Variants in DMRT3 observed in about 807,000 individuals in gnomAD.
DMRT3 encodes the protein doublesex and mab-3 related transcription factor 3.
DMRT3 carries 29 observed loss-of-function variants against 34.9 expected under a neutral mutation model. The ratio of observed to expected loss-of-function variants is 0.83; its 90% CI spans 0.62 to 1.13. The LOEUF is 1.13. Ranked by LOEUF, DMRT3 falls within the 50% of genes most tolerant of loss-of-function variation. The pLI is 0.00. For synonymous variants in DMRT3, 350 were observed against 286.0 expected (o/e 1.22, Z -2.26); for missense variants, 772 against 629.1 (o/e 1.23, Z -2.43).
intron 1 of DMRT3, among the ~76,000 whole-genome samples, chr9:989,584 G>C (rs1248282864): frequency 6.6e-6 from 1 of 152,184 alleles, no homozygotes; most frequent in Non-Finnish European, 1.5e-5. Context: ...AAAATTCCCT[G>C]TGGGTATCTG....
chr9:979,023 A>G (rs563667550), intron 1 of DMRT3, among the ~76,000 whole-genome samples: 36 of 151,998 alleles, frequency 2.4e-4, no homozygotes, highest in Non-Finnish European at 5.1e-4. Flanking sequence ...TATTTTCTTA[A>G]TTTTTTTCCA....
At chr9:978,456 A>C (rs1820179058) in intron 1 of DMRT3, among the ~76,000 whole-genome samples, 1 of 152,294 alleles carries the variant, frequency 6.6e-6, no homozygotes, top group South Asian at 2.1e-4. Flanking sequence ...CTTCTCCCGG[A>C]AGGGGGCATG....
chr9:984,401 G>C (rs1820257405), intron 1 of DMRT3, among the ~76,000 whole-genome samples: 1 of 151,670 alleles, frequency 6.6e-6, no homozygotes, highest in South Asian at 2.1e-4. Context: ...TGTTTTCGTA[G>C]ATATAATTGG....
chr9:979,660 AATAATAG>A (rs1820193393), intron 1 of DMRT3, among the ~76,000 whole-genome samples: 1 of 152,168 alleles, frequency 6.6e-6, no homozygotes, highest in Admixed American at 6.5e-5. Flanking sequence ...AAGGTAGGAA[AATAATAG>A]ATGATTGTTT....
intron 1 of DMRT3, among the ~76,000 whole-genome samples, chr9:981,343 A>T (rs1437076976): frequency 1.3e-5 from 2 of 152,054 alleles, no homozygotes; most frequent in South Asian, 2.1e-4. Context: ...CCAGGCCAGG[A>T]TGAGAAACCC....
intron 1 of DMRT3, among the ~76,000 whole-genome samples, chr9:978,103 A>G (rs1301086963): frequency 6.6e-6 from 1 of 152,208 alleles, no homozygotes; most frequent in Non-Finnish European, 1.5e-5. Context: ...GGGTCCGGAA[A>G]GGCTTGTGAG....
Position 977,375 on chromosome 9 carries a change from C to A in DMRT3, c.374C>A (p.Ala125Asp). The A allele has an allele frequency of 8.1e-7, 1 of 1,228,730 alleles. No individual in the cohort carries two copies. Among genetic ancestry groups the A allele is most frequent in the South Asian group, 4.0e-5 (1 of 25,204 alleles). 76.1% of individuals were successfully genotyped at this position (1,228,730 alleles called of 1,614,324 possible). ...PSQPQPPRPAAELAAAAALRW... is the reference protein window; with the variant it reads ...PSQPQPPRPADELAAAAALRW... ...CAGCCGCAGCCGCCGCGCCCTGCTG[C>A]CGAGTTGGCCGCGGCCGCCGCGCTG... Residue 125 changes from alanine to aspartate, a missense_variant, in exon 1 of 2, where the codon GCC (alanine) becomes GAC (aspartate). Physicochemically the swap from Ala to Asp is moderately radical, Grantham distance 126. Coordinates refer to ENST00000190165, the MANE Select transcript of DMRT3 (RefSeq NM_021240.4).
In DMRT3 at chr9:990,135, G is replaced by A. The variant is rs1338912412; in HGVS notation, c.549G>A (p.Val183=). The A allele has an allele frequency of 6.2e-7, 1 of 1,613,938 alleles. No individual in the cohort carries two copies. The highest frequency in any genetic ancestry group is 8.5e-7 in the Non-Finnish European group (1 of 1,180,014). ...KDTDQRSSPD[V]AKSKGCFTPE... ...CTGACCAGAGGAGTTCCCCAGATGT[G>A]GCAAAGAGTAAGGGCTGCTTCACCC... is the stretch of plus-strand genomic sequence containing the variant. Residue 183 remains valine (V), a synonymous_variant, in exon 2 of 2, where the codon GTG becomes GTA. Transcript: ENST00000190165.
rs375345402 is a variant in DMRT3 at position 982,318 on chromosome 9, A to T, written c.454+4863A>T. Among the ~76,000 whole-genome samples the T allele has an allele frequency of 5.9e-5, 9 of 152,294 alleles. No homozygotes were observed. The South Asian group carries it at 1.9e-3, about 32-fold the overall frequency. The stretch of plus-strand genomic sequence containing the variant: ...GGGACGGTTTGGCAGGAAAAACGAG[A>T]GTGTGTTCCACGTCTAGGAACCAGA... On this transcript the variant is annotated intron_variant, in intron 1 of 1. Coordinates refer to ENST00000190165, the MANE Select transcript of DMRT3 (RefSeq NM_021240.4).
chr9:989,973 C>G, intron 1 of DMRT3, 68 bp from the exon 2 acceptor site: 1 of 1,578,518 alleles, frequency 6.3e-7, no homozygotes, highest in East Asian at 2.2e-5. Flanking sequence ...GTACAGGTCT[C>G]TTCTGAGCAC....
intron 1 of DMRT3, among the ~76,000 whole-genome samples, chr9:981,883 G>T (rs114089970): frequency 0.016 from 2,471 of 152,168 alleles, 55 homozygotes; most frequent in African/African-American, 0.055. Flanking sequence ...CTCAGGAACC[G>T]CCCAGAGACA....
chr9:990,096 C>T lies in DMRT3; in HGVS notation c.510C>T (p.Phe170=). ...DGKSADNTEV[F]SDKDTDQRSS... is the part of the protein sequence containing the mutation. ...AGTCGGCAGACAATACAGAGGTCTT[C>T]AGTGACAAAGACACTGACCAGAGGA... Residue 170 remains phenylalanine, a synonymous_variant, in exon 2 of 2, where the codon TTC becomes TTT. Coordinates refer to ENST00000190165, the MANE Select transcript of DMRT3 (RefSeq NM_021240.4). The T allele has an allele frequency of 6.2e-7, 1 of 1,614,044 alleles. No homozygotes were observed. The highest frequency in any genetic ancestry group is 8.5e-7 in the Non-Finnish European group (1 of 1,180,028).
intron 1 of DMRT3, among the ~76,000 whole-genome samples, chr9:980,652 C>T (rs1049677747): frequency 1.6e-5 from 1 of 61,168 alleles, no homozygotes; most frequent in African/African-American, 4.8e-5. Context: ...TTATTCTTCT[C>T]CTAAATTCCC....
At chr9:981,520 G>A (rs963987135) in intron 1 of DMRT3, among the ~76,000 whole-genome samples, 4 of 152,202 alleles carry the variant, frequency 2.6e-5, no homozygotes, top group African/African-American at 9.6e-5. Flanking sequence ...CAAATAAAAA[G>A]GAATACGCAT....
At chr9:977,672 G>A (rs898673612) in intron 1 of DMRT3, among the ~76,000 whole-genome samples, 1 of 152,220 alleles carries the variant, frequency 6.6e-6, no homozygotes, top group Admixed American at 6.5e-5. Context: ...CAGGGAAGGC[G>A]CCTCCGGGCA....
At chr9:989,093 T>C (rs1179065986) in intron 1 of DMRT3, among the ~76,000 whole-genome samples, 1 of 152,196 alleles carries the variant, frequency 6.6e-6, no homozygotes, top group Non-Finnish European at 1.5e-5. Flanking sequence ...AGCCTTTTTT[T>C]CCCTCCTTCT....
intron 1 of DMRT3, among the ~76,000 whole-genome samples, chr9:982,878 C>T (rs1260072698): frequency 3.9e-5 from 6 of 152,170 alleles, no homozygotes; most frequent in Admixed American, 3.9e-4. Flanking sequence ...AAACCTGTTG[C>T]AGCCCCTTAG....
Position 976,877 on chromosome 9 carries a change from G to C in DMRT3, c.-125G>C. The C allele has an allele frequency of 1.9e-6, 2 of 1,059,704 alleles. No individual in the cohort carries two copies. The highest frequency in any genetic ancestry group is 2.5e-6 in the Non-Finnish European group (2 of 800,104). 65.6% of individuals were successfully genotyped at this position (1,059,704 alleles called of 1,614,324 possible). A position where few individuals can be genotyped will look rare whatever the true frequency, so the allele number is the denominator to read the frequency against. ...CGCCCCGGAGCACACACGACCACCGGGGCTGCGGGACCAAGGGCCGCGTCG... is the reference window on the plus strand; with the variant it reads ...CGCCCCGGAGCACACACGACCACCGCGGCTGCGGGACCAAGGGCCGCGTCG... On this transcript the variant is annotated 5_prime_UTR_variant, in exon 1 of 2. Coordinates refer to ENST00000190165, the MANE Select transcript of DMRT3 (RefSeq NM_021240.4). The surrounding 1 kb of genome is among the most constrained non-coding windows in gnomAD (Gnocchi z 4.5).
chr9:991,408 A>C lies in DMRT3; in HGVS notation c.*403A>C, dbSNP rs1310338805. The C allele has an allele frequency of 6.2e-6, 1 of 161,660 alleles. No homozygotes were observed. Among genetic ancestry groups the C allele is most frequent in the Non-Finnish European group, 1.4e-5 (1 of 73,898 alleles). 10.0% of individuals were successfully genotyped at this position (161,660 alleles called of 1,614,324 possible). On this transcript the variant is annotated 3_prime_UTR_variant, in exon 2 of 2. Transcript: ENST00000190165. ...GGATTCCTCAGGATATGTGAAACCT[A>C]AAGGAAGTGGTTCTGTTGCAAATGG...
Sources: allele counts gnomAD v4.1 joint callset (sites outside exome capture counted in the v4.1 genomes callset), GRCh38; gene constraint gnomAD v4.1.1; non-coding constraint Gnocchi (gnomAD v3.1); transcripts MANE v1.5; gene names NCBI Gene and HGNC (gene_info 2026-07-23, HGNC 2026-07-21).